Variants in FAM169A observed in about 807,000 individuals in gnomAD.
The protein encoded by FAM169A is family with sequence similarity 169 member A, also known as soluble lamin-associated protein of 75 kDa.
In FAM169A, 24 loss-of-function variants were observed where a neutral mutation model predicts 75.7. That is an observed-to-expected ratio of 0.32 (90% CI 0.23 to 0.45). The LOEUF (loss-of-function observed/expected upper bound fraction) is 0.45. FAM169A is among the 20% of genes least tolerant of loss of function. The pLI is 1.00. For synonymous variants in FAM169A, 271 were observed against 271.0 expected (o/e 1.00, Z 0.00); for missense variants, 673 against 784.0 (o/e 0.86, Z 1.69).
chr5:74,832,683 A>G (rs932111228), intron 5 of FAM169A, among the ~76,000 whole-genome samples: 2 of 150,504 alleles, frequency 1.3e-5, no homozygotes, highest in Non-Finnish European at 3.0e-5. Flanking sequence ...ACACACACAT[A>G]TCAGAAATAC....
At chr5:74,834,999 TAAA>T (rs34697673) in intron 4 of FAM169A, among the ~76,000 whole-genome samples, 3 of 131,106 alleles carry the variant, frequency 2.3e-5, no homozygotes, top group Admixed American at 1.5e-4. Context: ...TCTCCACATT[TAAA>T]AAAAAAAAAA....
chr5:74,807,952 A>T (rs897927986), intron 6 of FAM169A, among the ~76,000 whole-genome samples: 7 of 152,202 alleles, frequency 4.6e-5, no homozygotes, highest in African/African-American at 1.7e-4. Flanking sequence ...CCCCATCTCT[A>T]CTAAAAATAC....
intron 1 of FAM169A, among the ~76,000 whole-genome samples, chr5:74,854,556 A>G (rs1749612856): frequency 2.6e-5 from 4 of 152,060 alleles, no homozygotes; most frequent in Admixed American, 6.5e-5. Flanking sequence ...TCTTCATTCA[A>G]TCTAACTATG....
chr5:74,824,708 T>TACACACAC (rs60236324), intron 5 of FAM169A, among the ~76,000 whole-genome samples: 3 of 147,330 alleles, frequency 2.0e-5, no homozygotes, highest in South Asian at 2.1e-4. Flanking sequence ...TACACACACA[T>TACACACAC]ACACACACAC....
At chr5:74,826,080 T>C (rs1354171011) in intron 5 of FAM169A, among the ~76,000 whole-genome samples, 1 of 152,156 alleles carries the variant, frequency 6.6e-6, no homozygotes, top group African/African-American at 2.4e-5. Flanking sequence ...ATCATTTAGG[T>C]TTGTTTTTTG....
chr5:74,799,813 A>G (rs1430370579), intron 10 of FAM169A: 1 of 1,084,502 alleles, frequency 9.2e-7, no homozygotes, highest in Non-Finnish European at 1.4e-6. Context: ...CTCTTGAACT[A>G]CGATGACCGT....
chr5:74,854,397 A>AAAT lies in FAM169A; in HGVS notation c.-4+11765_-4+11767dup, dbSNP rs3031222. On this transcript the variant is annotated intron_variant, in intron 1 of 12. Transcript: ENST00000687041. ...GTGACACAGCGAGACTCCATCTCAA[A>AAAT]AATAATAATAATAATAATAATAATC... Among the ~76,000 whole-genome samples, 415 of 150,766 alleles carry AAAT rather than the reference A, an allele frequency of 2.8e-3. 1 individual carries two copies. The highest frequency in any genetic ancestry group is 0.01 in the Middle Eastern group (3 of 292).
chr5:74,817,887 C>A (rs1747551823), intron 5 of FAM169A, among the ~76,000 whole-genome samples: 2 of 152,048 alleles, frequency 1.3e-5, no homozygotes, highest in Admixed American at 1.3e-4. Flanking sequence ...CAACAGGGTG[C>A]CAAGACAATT....
chr5:74,859,472 T>A lies in FAM169A; in HGVS notation c.-4+6693A>T, dbSNP rs527798728. 4.6e-5 allele frequency among the ~76,000 whole-genome samples: 7 copies of A among 151,866 alleles called. No homozygotes were observed. The East Asian group carries it at 1.4e-3, about 30-fold the overall frequency. On this transcript the variant is annotated intron_variant, in intron 1 of 12. Transcript: ENST00000687041. ...GCCTGGCTAATTTTTGTATTTTTAG[T>A]AGAGACGGGATTTCACCATGTTGGT...
chr5:74,803,796 C>CT (rs1183257048), intron 8 of FAM169A, among the ~76,000 whole-genome samples: 1 of 152,174 alleles, frequency 6.6e-6, no homozygotes, highest in Non-Finnish European at 1.5e-5. Context: ...TCTACAAAGA[C>CT]TAGCATATAC....
At chr5:74,841,796 T>C in intron 1 of FAM169A, 117 bp from the exon 2 acceptor site, 1 of 902,538 alleles carries the variant, frequency 1.1e-6, no homozygotes, top group Non-Finnish European at 1.6e-6. Context: ...GATTTTTCTG[T>C]TTCACTTTGC....
intron 10 of FAM169A, among the ~76,000 whole-genome samples, chr5:74,796,709 CT>C (rs749033904): frequency 7.3e-3 from 1,039 of 141,842 alleles, no homozygotes; most frequent in Non-Finnish European, 6.9e-3. Flanking sequence ...CAGCCTGAAT[CT>C]TTTTTTTTTT....
At chr5:74,862,340 A>G (rs549133375) in intron 1 of FAM169A, among the ~76,000 whole-genome samples, 3 of 152,304 alleles carry the variant, frequency 2.0e-5, no homozygotes, top group Non-Finnish European at 4.4e-5. Flanking sequence ...GGCCAGATCA[A>G]CTGACTTCCC....
intron 6 of FAM169A, among the ~76,000 whole-genome samples, chr5:74,812,595 G>GT (rs1377781396): frequency 4.6e-5 from 7 of 151,628 alleles, no homozygotes; most frequent in Non-Finnish European, 7.4e-5. Flanking sequence ...ATTTCTTTTT[G>GT]TATGTCTGAA....
At position 74,842,150 on chromosome 5, in the gene FAM169A, A is replaced by T. The variant is rs557151742; in HGVS notation, c.-3-471T>A. Among the ~76,000 whole-genome samples the T allele has an allele frequency of 7.3e-5, 11 of 149,924 alleles. No homozygotes were observed. The East Asian group carries it at 1.9e-3, about 26-fold the overall frequency. ...ATCTAAAAAAAATCACTGCGGGCACAGTGGCTCACGCCTGTAATTCCAGCA... is the reference window on the plus strand; with the variant it reads ...ATCTAAAAAAAATCACTGCGGGCACTGTGGCTCACGCCTGTAATTCCAGCA... On this transcript the variant is annotated intron_variant, in intron 1 of 12. Transcript: ENST00000687041.
chr5:74,860,623 T>G (rs967520578), intron 1 of FAM169A, among the ~76,000 whole-genome samples: 1 of 152,042 alleles, frequency 6.6e-6, no homozygotes, highest in Non-Finnish European at 1.5e-5. Flanking sequence ...TAATACAGAT[T>G]TGGGAGCTAC....
At chr5:74,798,938 AG>A in intron 10 of FAM169A, 2 of 818,540 alleles carry the variant, frequency 2.4e-6, no homozygotes, top group Non-Finnish European at 4.2e-6. Flanking sequence ...CTCTGCTCCA[AG>A]ACCGTCCGGA....
At chr5:74,819,888 C>G (rs1489164665) in intron 5 of FAM169A, among the ~76,000 whole-genome samples, 1 of 151,672 alleles carries the variant, frequency 6.6e-6, no homozygotes, top group Non-Finnish European at 1.5e-5. Flanking sequence ...GGAGAGACTG[C>G]TAATGAACAG....
chr5:74,839,414 ACT>A (rs1376102258), intron 3 of FAM169A, among the ~76,000 whole-genome samples: 1 of 149,742 alleles, frequency 6.7e-6, no homozygotes, highest in African/African-American at 2.5e-5. Flanking sequence ...GTGCGCACAC[ACT>A]CTCTCTTGCC....
Sources: gnomAD v4.1 joint callset for allele counts (sites outside exome capture counted in the v4.1 genomes callset) on GRCh38, gnomAD v4.1.1 for gene constraint, MANE v1.5 for transcripts, NCBI Gene and HGNC (gene_info 2026-07-23, HGNC 2026-07-21) for gene names.